Variants in RPS6KC1 observed in about 807,000 individuals in gnomAD.
RPS6KC1 encodes the protein inactive ribosomal protein S6 kinase delta-1.
A neutral mutation model predicts 103.8 loss-of-function variants in RPS6KC1; 54 were observed. The observed-to-expected ratio is 0.52, with a 90% CI of 0.42 to 0.65. The LOEUF (loss-of-function observed/expected upper bound fraction) is 0.65. Among genes scored for constraint, RPS6KC1 ranks in the 30% least tolerant of loss-of-function variants. RPS6KC1 has a pLI of 0.00. For missense variants in RPS6KC1, 1,151 were observed against 1,253.8 expected (o/e 0.92, Z 1.24); for synonymous variants, 439 against 438.7 (o/e 1.00, Z -0.01).
the RPS6KC1 span, among the ~76,000 whole-genome samples, chr1:213,339,009 A>C: frequency 6.6e-6 from 1 of 152,160 alleles, no homozygotes; most frequent in Non-Finnish European, 1.5e-5. Flanking sequence ...CATGCCTGTA[A>C]TCTCAGCACT....
chr1:213,721,282 C>T, the RPS6KC1 span, among the ~76,000 whole-genome samples: 28 of 152,184 alleles, frequency 1.8e-4, no homozygotes, highest in Non-Finnish European at 2.9e-5. Flanking sequence ...TGTGTCCCCA[C>T]CCAAATCTCA....
At chr1:213,786,116 G>T in the RPS6KC1 span, among the ~76,000 whole-genome samples, 3 of 152,142 alleles carry the variant, frequency 2.0e-5, no homozygotes, top group Non-Finnish European at 4.4e-5. Context: ...GGGAAGAATA[G>T]AAAGGAAAGA....
the RPS6KC1 span, among the ~76,000 whole-genome samples, chr1:213,608,502 G>T: frequency 6.6e-6 from 1 of 152,152 alleles, no homozygotes; most frequent in African/African-American, 2.4e-5. Context: ...AAGTCTGGAG[G>T]GTCGTGTGGG....
chr1:213,135,047 G>T (rs930492174), intron 6 of RPS6KC1, among the ~76,000 whole-genome samples: 2 of 152,140 alleles, frequency 1.3e-5, no homozygotes, highest in Non-Finnish European at 1.5e-5. Context: ...GGAATATGAT[G>T]TTAGTTGTTG....
chr1:213,618,981 G>A, the RPS6KC1 span, among the ~76,000 whole-genome samples: 4 of 152,208 alleles, frequency 2.6e-5, no homozygotes, highest in South Asian at 2.1e-4. Context: ...CGTGGCTTAT[G>A]AGTAGAAGAG....
chr1:213,800,923 A>G, the RPS6KC1 span, among the ~76,000 whole-genome samples: 239 of 152,288 alleles, frequency 1.6e-3, 1 homozygote, highest in Admixed American at 3.5e-3. Flanking sequence ...TTGAACAGAC[A>G]TGGTGGTTTC....
At chr1:213,402,526 A>G in the RPS6KC1 span, among the ~76,000 whole-genome samples, 1 of 152,190 alleles carries the variant, frequency 6.6e-6, no homozygotes, top group Non-Finnish European at 1.5e-5. Context: ...TCTGGGAATA[A>G]TGAGGAGAAC....
intron 8 of RPS6KC1, among the ~76,000 whole-genome samples, chr1:213,205,553 T>TATATATATATATATATATATATATATAC (rs2148621540): frequency 7.4e-6 from 1 of 135,590 alleles, no homozygotes; most frequent in South Asian, 2.4e-4. Context: ...TATAGATATA[T>TATATATATATATATATATATATATATAC]ATATATATAT....
the RPS6KC1 span, among the ~76,000 whole-genome samples, chr1:213,675,417 T>G: frequency 6.6e-6 from 1 of 152,200 alleles, no homozygotes; most frequent in Non-Finnish European, 1.5e-5. Flanking sequence ...ATTTAAACCT[T>G]TAATCCAACT....
At chr1:213,658,170 A>T in the RPS6KC1 span, among the ~76,000 whole-genome samples, 1 of 152,194 alleles carries the variant, frequency 6.6e-6, no homozygotes, top group Non-Finnish European at 1.5e-5. Context: ...GTCAGATATG[A>T]GTGGTGTGGG....
the RPS6KC1 span, among the ~76,000 whole-genome samples, chr1:213,720,311 A>G: frequency 6.6e-6 from 1 of 152,190 alleles, no homozygotes; most frequent in Non-Finnish European, 1.5e-5. Flanking sequence ...GAATTGACGC[A>G]CTCAACAGAG....
chr1:213,405,643 T>C, the RPS6KC1 span, among the ~76,000 whole-genome samples: 1 of 152,206 alleles, frequency 6.6e-6, no homozygotes, highest in African/African-American at 2.4e-5. Context: ...CCAGATTCCA[T>C]TAATTTCAGC....
chr1:213,744,194 T>C, the RPS6KC1 span, among the ~76,000 whole-genome samples: 4 of 152,056 alleles, frequency 2.6e-5, no homozygotes, highest in African/African-American at 9.7e-5. Context: ...GCTCGGGTGA[T>C]GGGTGCACCA....
chr1:213,346,377 A>G, the RPS6KC1 span, among the ~76,000 whole-genome samples: 1 of 152,214 alleles, frequency 6.6e-6, no homozygotes, highest in Non-Finnish European at 1.5e-5. Flanking sequence ...AATATCACCA[A>G]TAAAACTCCA....
At chr1:213,722,354 C>A in the RPS6KC1 span, among the ~76,000 whole-genome samples, 1 of 152,110 alleles carries the variant, frequency 6.6e-6, no homozygotes, top group Non-Finnish European at 1.5e-5. Context: ...GTTTGGAATT[C>A]TCTACCCTAC....
the RPS6KC1 span, among the ~76,000 whole-genome samples, chr1:213,634,414 G>A: frequency 6.6e-6 from 1 of 152,184 alleles, no homozygotes; most frequent in East Asian, 1.9e-4. Flanking sequence ...TAGAATTCAG[G>A]ATTAAGAAAC....
At chr1:213,176,997 C>G (rs1222610287) in intron 8 of RPS6KC1, among the ~76,000 whole-genome samples, 2 of 152,060 alleles carry the variant, frequency 1.3e-5, no homozygotes, top group Admixed American at 6.6e-5. Flanking sequence ...ATAACTTGGC[C>G]CAAAGTCACA....
At chr1:213,644,759 T>C in the RPS6KC1 span, among the ~76,000 whole-genome samples, 1 of 152,192 alleles carries the variant, frequency 6.6e-6, no homozygotes, top group Non-Finnish European at 1.5e-5. Flanking sequence ...GGGATTTGGA[T>C]AGATTTTGCT....
At chr1:213,362,797 G>T in the RPS6KC1 span, among the ~76,000 whole-genome samples, 4 of 152,258 alleles carry the variant, frequency 2.6e-5, no homozygotes, top group South Asian at 8.3e-4. Context: ...CATGGAGTGG[G>T]TGGGCCTTGT....
Sources: allele counts gnomAD v4.1 joint callset (sites outside exome capture counted in the v4.1 genomes callset), GRCh38; gene constraint gnomAD v4.1.1; transcripts MANE v1.5; gene names NCBI Gene and HGNC (gene_info 2026-07-23, HGNC 2026-07-21).